Variants in RNF130 observed in about 807,000 individuals in gnomAD.
RNF130 encodes E3 ubiquitin-protein ligase RNF130.
RNF130 carries 21 observed loss-of-function variants against 44.6 expected under a neutral mutation model. The observed-to-expected ratio is 0.47, with a 90% confidence interval of 0.33 to 0.68. RNF130 has a LOEUF of 0.68. Ranked by LOEUF, RNF130 falls within the 30% of genes least tolerant of loss-of-function variation. The pLI is 0.02. For missense variants in RNF130, 479 were observed against 560.6 expected, an observed-to-expected ratio of 0.85 and a Z score of 1.47; for synonymous variants, 214 against 210.4, an observed-to-expected ratio of 1.02 and a Z score of -0.15.
At chr5:180,023,218 C>T (rs1022390562) in intron 2 of RNF130, among the ~76,000 whole-genome samples, 2 of 152,142 alleles carry the variant, frequency 1.3e-5, no homozygotes, top group African/African-American at 4.8e-5. Flanking sequence ...CAGATGATTA[C>T]AGATAGAAAT....
chr5:180,053,382 G>A lies in RNF130; in HGVS notation c.248-12735C>T, dbSNP rs548634915. On this transcript the variant is annotated intron_variant, in intron 1 of 8. Coordinates refer to ENST00000521389, the MANE Select transcript of RNF130 (RefSeq NM_018434.6). The stretch of plus-strand genomic sequence containing the variant: ...ATCATTTCAGAGTTTACAAAATCCT[G>A]GGCAAACAAAGCTCAGTAACAAATC... Among the ~76,000 whole-genome samples the A allele has an allele frequency of 3.2e-4, 49 of 152,248 alleles. 1 individual carries two copies. The highest frequency in any genetic ancestry group is 1.1e-3 in the African/African-American group (46 of 41,524).
At chr5:179,957,526 T>C (rs543683557) in intron 8 of RNF130, among the ~76,000 whole-genome samples, 46 of 152,282 alleles carry the variant, frequency 3.0e-4, no homozygotes, top group African/African-American at 1.1e-3. Context: ...GAAACCAAAT[T>C]TGTCTCCTTC....
At chr5:179,960,366 G>A (rs17079839) in intron 8 of RNF130, among the ~76,000 whole-genome samples, 2,518 of 152,352 alleles carry the variant, frequency 0.017, 71 homozygotes, top group African/African-American at 0.055. Flanking sequence ...ATCAGTCGCA[G>A]TACTAAATAA....
intron 1 of RNF130, among the ~76,000 whole-genome samples, chr5:180,065,362 C>A (rs1290594476): frequency 6.6e-6 from 1 of 152,280 alleles, no homozygotes; most frequent in South Asian, 2.1e-4. Context: ...TTAACACAAT[C>A]GTAGTTCACA....
chr5:179,995,225 T>C (rs1315440930), intron 3 of RNF130, among the ~76,000 whole-genome samples: 2 of 152,036 alleles, frequency 1.3e-5, no homozygotes, highest in African/African-American at 4.8e-5. Flanking sequence ...TCCAGAACCA[T>C]CAGGACTCAT....
intron 7 of RNF130, among the ~76,000 whole-genome samples, chr5:179,938,253 C>G (rs1166878581): frequency 6.6e-6 from 1 of 152,094 alleles, no homozygotes; most frequent in Non-Finnish European, 1.5e-5. Context: ...TCACCGCGCC[C>G]AACCCTTTCA....
At chr5:179,953,227 T>C (rs766634620), downstream of RNF130, among the ~76,000 whole-genome samples, 1 of 151,940 alleles carries the variant, frequency 6.6e-6, no homozygotes. Flanking sequence ...TGCTCATGAG[T>C]TGGAAGACAA....
At chr5:180,036,489 T>G (rs1254958693) in intron 2 of RNF130, among the ~76,000 whole-genome samples, 1 of 152,178 alleles carries the variant, frequency 6.6e-6, no homozygotes, top group East Asian at 1.9e-4. Context: ...ACAGCATAGC[T>G]TGGGGAGTTT....
intron 2 of RNF130, among the ~76,000 whole-genome samples, chr5:180,016,534 A>G (rs942229148): frequency 2.0e-5 from 3 of 152,184 alleles, no homozygotes; most frequent in African/African-American, 7.2e-5. Context: ...GCTCCCACGC[A>G]CTTCCACGTC....
chr5:180,071,252 A>G (rs1056232349), intron 1 of RNF130, among the ~76,000 whole-genome samples: 1 of 152,266 alleles, frequency 6.6e-6, no homozygotes, highest in African/African-American at 2.4e-5. Context: ...TTTTTAAAAG[A>G]AGGGAAAAAC....
At chr5:180,012,024 C>T (rs887685260) in intron 3 of RNF130, among the ~76,000 whole-genome samples, 2 of 152,150 alleles carry the variant, frequency 1.3e-5, no homozygotes, top group Admixed American at 6.5e-5. Context: ...CCACAGTCAG[C>T]GTTTGGGTAT....
intron 2 of RNF130, among the ~76,000 whole-genome samples, chr5:180,034,291 A>G (rs1300188582): frequency 1.3e-5 from 2 of 151,968 alleles, no homozygotes; most frequent in Non-Finnish European, 2.9e-5. Flanking sequence ...ATAATTTTAA[A>G]AGAATTTTTG....
intron 3 of RNF130, among the ~76,000 whole-genome samples, chr5:179,988,725 T>C (rs1419511807): frequency 6.6e-6 from 1 of 152,210 alleles, no homozygotes; most frequent in African/African-American, 2.4e-5. Flanking sequence ...GGTTATTGAG[T>C]TTTATTCCAC....
intron 3 of RNF130, among the ~76,000 whole-genome samples, chr5:179,980,875 G>C (rs1006101204): frequency 4.6e-5 from 7 of 152,182 alleles, no homozygotes; most frequent in African/African-American, 1.7e-4. Flanking sequence ...ACAACCCACA[G>C]ATGAAGAGAT....
chr5:179,934,245 T>C (rs1464750774), intron 7 of RNF130: 1 of 166,560 alleles, frequency 6.0e-6, no homozygotes, highest in African/African-American at 2.4e-5. Flanking sequence ...TTTTAAAGTA[T>C]ACGGTTCAGT....
chr5:179,940,734 C>T (rs1761960013), intron 7 of RNF130, among the ~76,000 whole-genome samples: 1 of 151,720 alleles, frequency 6.6e-6, no homozygotes, highest in African/African-American at 2.4e-5. Context: ...CTTTAATCTG[C>T]AGTTTGATGT....
At chr5:179,954,440 A>C (rs1259568914), downstream of RNF130, among the ~76,000 whole-genome samples, 3 of 152,194 alleles carry the variant, frequency 2.0e-5, no homozygotes, top group African/African-American at 7.2e-5. Flanking sequence ...ATGAACCGTG[A>C]ACACATGCTA....
chr5:179,951,309 T>C (rs1197860679), downstream of RNF130, among the ~76,000 whole-genome samples: 1 of 151,696 alleles, frequency 6.6e-6, no homozygotes, highest in Non-Finnish European at 1.5e-5. Context: ...AAAAACAAGA[T>C]AAGATTTGAG....
chr5:179,979,136 C>T (rs1762775658), intron 4 of RNF130, among the ~76,000 whole-genome samples: 1 of 151,852 alleles, frequency 6.6e-6, no homozygotes, highest in African/African-American at 2.4e-5. Flanking sequence ...GAATTTCATA[C>T]TATTGTGGCA....
Sources: gnomAD v4.1 joint callset for allele counts (sites outside exome capture counted in the v4.1 genomes callset) on GRCh38, gnomAD v4.1.1 for gene constraint, MANE v1.5 for transcripts, NCBI Gene and HGNC (gene_info 2026-07-23, HGNC 2026-07-21) for gene names.